PSIP1: variants seen among roughly 807,000 people sequenced by gnomAD.
The protein encoded by PSIP1 is PC4 and SRSF1 interacting protein 1.
A neutral mutation model predicts 74.7 loss-of-function variants in PSIP1; 19 were observed. The ratio of observed to expected loss-of-function variants is 0.25; its 90% CI spans 0.18 to 0.37. The LOEUF is 0.37. Ranked by LOEUF, PSIP1 falls within the 10% of genes least tolerant of loss-of-function variation. PSIP1 has a pLI of 1.00. For synonymous variants in PSIP1, 222 were observed against 195.3 expected, an observed-to-expected ratio of 1.14 and a Z score of -1.14; for missense variants, 601 against 614.3, an observed-to-expected ratio of 0.98 and a Z score of 0.23.
In PSIP1 at chr9:15,490,256, G is replaced by C. The variant is rs566391000; in HGVS notation, c.150-132C>G. ...CATTACAAATCTTAAATAAGTTAAA[G>C]GGCAATTAATAATTCCAAATACTTT... On this transcript the variant is annotated intron_variant, in intron 3 of 15. Transcript: ENST00000380733. 5 of 785,350 alleles carry C rather than the reference G, an allele frequency of 6.4e-6. No homozygotes were observed. The East Asian group carries it at 1.2e-4, about 20-fold the overall frequency. 48.6% of individuals were successfully genotyped at this position (785,350 alleles called of 1,614,324 possible).
At chr9:15,479,714 A>G in intron 6 of PSIP1, 27 bp from the exon 7 acceptor site, 2 of 1,584,852 alleles carry the variant, frequency 1.3e-6, no homozygotes, top group South Asian at 2.2e-5. Context: ...TAATTAACTT[A>G]TTTAGCAAAT....
intron 4 of PSIP1, among the ~76,000 whole-genome samples, chr9:15,487,711 T>A (rs976009809): frequency 5.9e-5 from 9 of 152,218 alleles, no homozygotes; most frequent in African/African-American, 2.2e-4. Context: ...GCAATAATGA[T>A]AAGAAACCAT....
Position 15,465,554 on chromosome 9 carries a change from T to G in PSIP1, c.1559A>C (p.Glu520Ala). ...TAGTGTAGAATCCTTCAGAGATATT[T>G]CAGTCTCTCTCTCTTCACTGGATGG... ...KKPSSEERET[E>A]ISLKDSTLDN The change falls in exon 16 of 16, where the codon GAA (glutamate) becomes GCA (alanine). Residue 520 changes from glutamate to alanine, a missense_variant. Around this residue, in one of 2 missense-constraint regions of PSIP1, gnomAD observed 538 missense variants for 507.6 expected, o/e 1.06. Coordinates refer to ENST00000380733, the MANE Select transcript of PSIP1 (RefSeq NM_033222.5). 1 of 1,585,894 alleles carries G rather than the reference T, an allele frequency of 6.3e-7. No homozygotes were observed. Among genetic ancestry groups the G allele is most frequent in the Non-Finnish European group, 8.6e-7 (1 of 1,157,022 alleles).
chr9:15,486,653 G>A (rs2036567155), intron 5 of PSIP1, among the ~76,000 whole-genome samples, 174 bp downstream of exon 5: 1 of 152,122 alleles, frequency 6.6e-6, no homozygotes, highest in African/African-American at 2.4e-5. Context: ...AGATGCATAA[G>A]TTGTTTGACA....
chr9:15,475,024 A>G (rs968623782), intron 8 of PSIP1, among the ~76,000 whole-genome samples: 1 of 152,196 alleles, frequency 6.6e-6, no homozygotes, highest in African/African-American at 2.4e-5. Flanking sequence ...TTGACAAATG[A>G]GAAAATGATG....
At chr9:15,487,019 G>C (rs538137141) in intron 4 of PSIP1, 88 bp from the exon 5 acceptor site, 2 of 818,348 alleles carry the variant, frequency 2.4e-6, no homozygotes, top group South Asian at 4.1e-5. Context: ...TTTTTTTAGA[G>C]ACAGGGTCTC....
intron 3 of PSIP1, among the ~76,000 whole-genome samples, chr9:15,495,014 G>C (rs966064634): frequency 6.6e-6 from 1 of 152,012 alleles, no homozygotes; most frequent in Non-Finnish European, 1.5e-5. Flanking sequence ...CAACAGTAAA[G>C]AGATTATTTT....
chr9:15,504,775 A>G (rs1222544574), intron 3 of PSIP1, among the ~76,000 whole-genome samples: 2 of 151,944 alleles, frequency 1.3e-5, no homozygotes, highest in Non-Finnish European at 2.9e-5. Context: ...CATTTCAGAC[A>G]AAAATCAGAA....
At chr9:15,486,122 G>C (rs1423369309) in intron 5 of PSIP1, 54 bp from the exon 6 acceptor site, 8 of 1,427,752 alleles carry the variant, frequency 5.6e-6, no homozygotes, top group Non-Finnish European at 1.9e-6. Flanking sequence ...AGGAATGAAA[G>C]AAACCTTGTT....
rs553942869 is a variant in PSIP1 at position 15,487,533 on chromosome 9, T to G, written c.289-602A>C. ...TAACTTAAAACCCAGGAGGCAGAGG[T>G]TGCAGCGAGACAAGATCAAAATTGC... On this transcript the variant is annotated intron_variant, in intron 4 of 15. Coordinates refer to ENST00000380733, the MANE Select transcript of PSIP1 (RefSeq NM_033222.5). Among the ~76,000 whole-genome samples, 5 of 151,970 alleles carry G rather than the reference T, an allele frequency of 3.3e-5. No individual in the cohort carries two copies. The East Asian group carries it at 9.7e-4, about 30-fold the overall frequency.
At chr9:15,498,456 C>T (rs1033638006) in intron 3 of PSIP1, among the ~76,000 whole-genome samples, 7 of 151,586 alleles carry the variant, frequency 4.6e-5, no homozygotes, top group African/African-American at 1.7e-4. Context: ...GTAAGATATG[C>T]TCAAGACTGA....
intron 3 of PSIP1, among the ~76,000 whole-genome samples, chr9:15,502,391 C>G (rs2037389115): frequency 6.6e-6 from 1 of 152,146 alleles, no homozygotes; most frequent in Non-Finnish European, 1.5e-5. Flanking sequence ...AGCAGGCCAA[C>G]TGTATATGAA....
At chr9:15,498,971 T>C (rs997164251) in intron 3 of PSIP1, among the ~76,000 whole-genome samples, 1 of 152,180 alleles carries the variant, frequency 6.6e-6, no homozygotes, top group Non-Finnish European at 1.5e-5. Context: ...AGGATTTGTT[T>C]CCTTCTATAT....
In PSIP1 at chr9:15,501,840, CATATATATATAT is replaced by C. The variant is rs112671758; in HGVS notation, c.149+4709_149+4720del. Among the ~76,000 whole-genome samples, 9 of 124,532 alleles carry C rather than the reference CATATATATATAT, an allele frequency of 7.2e-5. 1 individual carries two copies. Among genetic ancestry groups the C allele is most frequent in the African/African-American group, 3.3e-4 (9 of 27,446 alleles). The allele number at this position is 124,532 out of a possible 152,430, so 81.7% of individuals were successfully genotyped here. Reference sequence around the variant, plus strand: ...TGTTTAAGTCCCTTATATAAAACAGCATATATATATATATATATATATATATAAAACGCACAC... The same window carrying C: ...TGTTTAAGTCCCTTATATAAAACAGCATATATATATATATAAAACGCACAC... On this transcript the variant is annotated intron_variant, in intron 3 of 15. Coordinates refer to ENST00000380733, the MANE Select transcript of PSIP1 (RefSeq NM_033222.5).
chr9:15,490,138 G>C lies in PSIP1; in HGVS notation c.150-14C>G, dbSNP rs749753689. ...CCTAAAAAAGCACTAAAAAAGAAGT[G>C]GGGAAGATGTGAGTGCAAAGCAAGC... is the stretch of plus-strand genomic sequence containing the variant. On this transcript the variant is annotated splice_polypyrimidine_tract_variant and intron_variant, in intron 3 of 15. Transcript: ENST00000380733. The C allele has an allele frequency of 1.9e-6, 3 of 1,566,234 alleles. No individual in the cohort carries two copies. The highest frequency in any genetic ancestry group is 2.6e-6 in the Non-Finnish European group (3 of 1,161,574).
intron 1 of PSIP1, 87 bp downstream of exon 1, chr9:15,510,730 C>T (rs2037831432): frequency 6.6e-6 from 1 of 152,244 alleles, no homozygotes; most frequent in Non-Finnish European, 1.5e-5. Context: ...CCCCTCGGCT[C>T]CCGGGCGGGC....
chr9:15,492,827 G>C lies in PSIP1; in HGVS notation c.150-2703C>G, dbSNP rs111406859. On this transcript the variant is annotated intron_variant, in intron 3 of 15. Coordinates refer to ENST00000380733, the MANE Select transcript of PSIP1 (RefSeq NM_033222.5). The stretch of plus-strand genomic sequence containing the variant: ...CCATGTGGAAGCTGCCAAGGCTTGG[G>C]GCTTGCACCCTCTGAAACAACAGCC... Among the ~76,000 whole-genome samples, 17 of 152,304 alleles carry C rather than the reference G, an allele frequency of 1.1e-4. 2 individuals are homozygous for C. Among genetic ancestry groups the C allele is most frequent in the East Asian group, 9.7e-4 (5 of 5,178 alleles).
At chr9:15,482,056 C>T (rs2036359947) in intron 6 of PSIP1, among the ~76,000 whole-genome samples, 1 of 152,016 alleles carries the variant, frequency 6.6e-6, no homozygotes, top group South Asian at 2.1e-4. Flanking sequence ...ACATCTAACC[C>T]TCATTTTCTC....
At chr9:15,504,820 C>T (rs1337691042) in intron 3 of PSIP1, 1 of 151,874 alleles carries the variant, frequency 6.6e-6, no homozygotes, top group East Asian at 1.9e-4. Flanking sequence ...CTGAAAAATG[C>T]TAAGGAATGT....
Sources: gnomAD v4.1 joint callset for allele counts (sites outside exome capture counted in the v4.1 genomes callset) on GRCh38, gnomAD v4.1.1 for gene constraint, gnomAD v4.1.1 regional missense constraint, MANE v1.5 for transcripts, NCBI Gene and HGNC (gene_info 2026-07-23, HGNC 2026-07-21) for gene names.